RCC1L: variants seen among roughly 807,000 people sequenced by gnomAD.
RCC1L encodes RCC1 like.
RCC1L carries 46 observed loss-of-function variants against 58.6 expected under a neutral mutation model. The observed-to-expected ratio is 0.79, with a 90% CI of 0.62 to 1.00. The LOEUF is 1.00. Ranked by LOEUF, RCC1L falls within the 50% of genes least tolerant of loss-of-function variation. The pLI is 0.00. For missense variants in RCC1L, 636 were observed against 623.6 expected, an observed-to-expected ratio of 1.02 and a Z score of -0.21; for synonymous variants, 281 against 262.9, an observed-to-expected ratio of 1.07 and a Z score of -0.67.
rs1174858165 is a variant in RCC1L, at chr7:75,042,682, C to T, written c.*350G>A. On this transcript the variant is annotated 3_prime_UTR_variant, in exon 11 of 11. Coordinates refer to ENST00000610322, the MANE Select transcript of RCC1L (RefSeq NM_030798.5). ...CATGACAGACAGAGCAGAAACCTCC[C>T]GAGCACTGTGTTCAAGCTAAGCTTT... 8 of 1,186,648 alleles carry T rather than the reference C, an allele frequency of 6.7e-6. No individual in the cohort carries two copies. The highest frequency in any genetic ancestry group is 6.3e-6 in the Non-Finnish European group (6 of 950,320). 73.5% of individuals were successfully genotyped at this position (1,186,648 alleles called of 1,614,324 possible).
At chr7:75,027,720 C>T in exon 11 of RCC1L, 1 of 406,008 alleles carries the variant, frequency 2.5e-6, no homozygotes, top group Non-Finnish European at 4.6e-6. Context: ...GACCCTGCTC[C>T]TCGGTCACAG....
At chr7:75,063,225 C>T (rs1454253405) in intron 5 of RCC1L, 67 bp downstream of exon 5, 8 of 1,579,552 alleles carry the variant, frequency 5.1e-6, no homozygotes, top group Admixed American at 5.0e-5. Context: ...CATCACCCTA[C>T]CCAAATCTCA....
intron 4 of RCC1L, 37 bp downstream of exon 4, chr7:75,064,545 C>G (rs370518291): frequency 6.2e-7 from 1 of 1,612,040 alleles, no homozygotes; most frequent in South Asian, 1.1e-5. Context: ...TGACACTTAA[C>G]TCAACATGGG....
chr7:75,030,103 C>G (rs976702554), intron 10 of RCC1L, among the ~76,000 whole-genome samples: 29 of 152,166 alleles, frequency 1.9e-4, no homozygotes, highest in Admixed American at 1.9e-3. Flanking sequence ...GCCTGGTGGC[C>G]GAGAGAGCTT....
Position 75,042,931 on chromosome 7 carries a change from C to T in RCC1L, c.*101G>A, listed in dbSNP as rs1805608948. On this transcript the variant is annotated 3_prime_UTR_variant, in exon 11 of 11. Coordinates refer to ENST00000610322, the MANE Select transcript of RCC1L (RefSeq NM_030798.5). ...TCACACTGCACGCAGGGTCCTCCGC[C>T]ACCACCATCCAAGAACCCCGGGGGG... The T allele has an allele frequency of 3.1e-6, 5 of 1,591,142 alleles. No individual in the cohort carries two copies. The highest frequency in any genetic ancestry group is 4.3e-6 in the Non-Finnish European group (5 of 1,167,884).
At chr7:75,066,527 G>A in intron 3 of RCC1L, 137 bp downstream of exon 3, 4 of 1,139,892 alleles carry the variant, frequency 3.5e-6, no homozygotes, top group Middle Eastern at 3.0e-4. Context: ...CAATCCCACT[G>A]ATCTGCTCAG....
intron 10 of RCC1L, among the ~76,000 whole-genome samples, chr7:75,045,330 C>A (rs1805688197): frequency 6.6e-6 from 1 of 151,736 alleles, no homozygotes; most frequent in South Asian, 2.1e-4. Context: ...CTGGCATGCA[C>A]CACTATGCTC....
chr7:75,042,941 C>G lies in RCC1L; in HGVS notation c.*91G>C. The G allele has an allele frequency of 1.2e-6, 2 of 1,600,450 alleles. No homozygotes were observed. Among genetic ancestry groups the G allele is most frequent in the Admixed American group, 1.7e-5 (1 of 57,640 alleles). On this transcript the variant is annotated 3_prime_UTR_variant, in exon 11 of 11. Coordinates refer to ENST00000610322, the MANE Select transcript of RCC1L (RefSeq NM_030798.5). ...CGCAGGGTCCTCCGCCACCACCATC[C>G]AAGAACCCCGGGGGGCTGGCCACGC... is the stretch of plus-strand genomic sequence containing the variant.
intron 6 of RCC1L, among the ~76,000 whole-genome samples, chr7:75,059,315 C>G (rs1432529879): frequency 4.0e-5 from 6 of 150,158 alleles, no homozygotes; most frequent in African/African-American, 1.5e-4. Flanking sequence ...CTGGCTGCAG[C>G]GCAGTGGTGC....
At chr7:75,040,760 T>G (rs1210311507), downstream of RCC1L, among the ~76,000 whole-genome samples, 1 of 152,180 alleles carries the variant, frequency 6.6e-6, no homozygotes, top group Non-Finnish European at 1.5e-5. Flanking sequence ...CACACGGTTT[T>G]CAATTTCTAT....
At chr7:75,065,290 C>T (rs1469378839) in intron 3 of RCC1L, among the ~76,000 whole-genome samples, 6 of 152,234 alleles carry the variant, frequency 3.9e-5, no homozygotes, top group Non-Finnish European at 7.3e-5. Context: ...CACAGTGGCT[C>T]ATGACTGTAA....
At chr7:75,031,376 C>G (rs943436540) in intron 10 of RCC1L, among the ~76,000 whole-genome samples, 1 of 152,150 alleles carries the variant, frequency 6.6e-6, no homozygotes, top group African/African-American at 2.4e-5. Flanking sequence ...CCTACCCCCC[C>G]GGGGCCCTCA....
chr7:75,040,382 C>T (rs1200350091), downstream of RCC1L, among the ~76,000 whole-genome samples: 1 of 152,122 alleles, frequency 6.6e-6, no homozygotes, highest in Non-Finnish European at 1.5e-5. Context: ...ATTGCTTGAA[C>T]CCAGGAGGCG....
At chr7:75,063,390 C>G in intron 4 of RCC1L, 47 bp from the exon 5 acceptor site, 1 of 1,600,712 alleles carries the variant, frequency 6.2e-7, no homozygotes, top group Non-Finnish European at 8.6e-7. Flanking sequence ...GCGGTCATGA[C>G]AAGCACTGTG....
Position 75,027,918 on chromosome 7 carries a change from G to C in RCC1L, c.*114C>G, listed in dbSNP as rs1041519150. On this transcript the variant is annotated 3_prime_UTR_variant, in exon 11 of 11. Transcript: ENST00000614461. ...AGCTATCTCCTGGTCTGCTGGGTGG[G>C]AGGGTCTCTCCAGGCCCCAGACCCC... 5,789 of 1,171,944 alleles carry C rather than the reference G, an allele frequency of 4.9e-3. 18 individuals are homozygous for C. Among genetic ancestry groups the C allele is most frequent in the Non-Finnish European group, 6.5e-3 (5,337 of 817,208 alleles). 72.6% of individuals were successfully genotyped at this position (1,171,944 alleles called of 1,614,324 possible).
downstream of RCC1L, chr7:75,042,180 A>G: frequency 1.0e-6 from 1 of 985,376 alleles, no homozygotes; most frequent in Non-Finnish European, 1.2e-6. Context: ...ATCTCTTCAG[A>G]GCTTAAAAAC....
intron 9 of RCC1L, among the ~76,000 whole-genome samples, chr7:75,054,453 G>A (rs1003324716): frequency 5.9e-5 from 9 of 152,116 alleles, no homozygotes; most frequent in African/African-American, 2.2e-4. Flanking sequence ...ATGGCATGAG[G>A]GCAAATAGAA....
Position 75,050,018 on chromosome 7 carries a change from G to A in RCC1L, c.1317+2693C>T, listed in dbSNP as rs587644792. ...GGCCACTCCGTGCACAAACCCTTAG[G>A]GGCTCCCTGAATGTGCAAGAGGAAG... On this transcript the variant is annotated intron_variant, in intron 10 of 10. Transcript: ENST00000610322. Among the ~76,000 whole-genome samples the A allele has an allele frequency of 1.4e-4, 21 of 152,258 alleles. No individual in the cohort carries two copies. In the East Asian group the frequency reaches 3.7e-3, roughly 27 times the overall value.
At position 75,029,760 on chromosome 7, in the gene RCC1L, G is replaced by A. The variant is rs1035236368; in HGVS notation, c.1318-1681C>T. Among the ~76,000 whole-genome samples, 245 of 152,342 alleles carry A rather than the reference G, an allele frequency of 1.6e-3. 1 individual carries two copies. The highest frequency in any genetic ancestry group is 5.7e-3 in the African/African-American group (236 of 41,576). On this transcript the variant is annotated intron_variant, in intron 10 of 10. Coordinates refer to the RCC1L transcript ENST00000614461. ...CCTGGAGCATTGGAGACATTGGTTA[G>A]TGTAATAGGCAGAGCCTGAGTGAGG...
Sources: gnomAD v4.1 joint callset for allele counts (sites outside exome capture counted in the v4.1 genomes callset) on GRCh38, gnomAD v4.1.1 for gene constraint, MANE v1.5 for transcripts, NCBI Gene and HGNC (gene_info 2026-07-23, HGNC 2026-07-21) for gene names.